C12orf75: variants seen among roughly 807,000 people sequenced by gnomAD.
C12orf75 encodes the protein overexpressed in colon carcinoma 1 protein.
A neutral mutation model predicts 11.4 loss-of-function variants in C12orf75; 4 were observed. The ratio of observed to expected loss-of-function variants is 0.35; its 90% confidence interval spans 0.17 to 0.80. C12orf75 has a LOEUF of 0.80. Among genes scored for constraint, C12orf75 ranks in the 30% least tolerant of loss-of-function variants. The pLI is 0.52. For synonymous variants in C12orf75, 30 were observed against 30.0 expected (o/e 1.00, Z 0.00); for missense variants, 89 against 80.4 (o/e 1.11, Z -0.41).
chr12:105,360,189 A>C (rs1304884120), intron 2 of C12orf75, among the ~76,000 whole-genome samples: 1 of 152,094 alleles, frequency 6.6e-6, no homozygotes, highest in Non-Finnish European at 1.5e-5. Context: ...AAGGCTGGGG[A>C]GGGTGTGGCT....
chr12:105,369,524 G>A (rs919884160), intron 5 of C12orf75, among the ~76,000 whole-genome samples: 1 of 152,062 alleles, frequency 6.6e-6, no homozygotes, highest in African/African-American at 2.4e-5. Flanking sequence ...CATGTGCCAT[G>A]GTGGTTTGCT....
intron 2 of C12orf75, among the ~76,000 whole-genome samples, chr12:105,353,341 C>T (rs1487568345): frequency 1.3e-5 from 2 of 152,104 alleles, no homozygotes; most frequent in East Asian, 3.9e-4. Context: ...CTTCTTTTTC[C>T]TTGTAGTTTG....
intron 2 of C12orf75, among the ~76,000 whole-genome samples, chr12:105,354,866 A>G (rs1272351985): frequency 6.6e-6 from 1 of 152,176 alleles, no homozygotes; most frequent in South Asian, 2.1e-4. Context: ...GAGAGAGGGA[A>G]GGGAAACACG....
At chr12:105,364,650 G>C (rs140321806) in intron 2 of C12orf75, among the ~76,000 whole-genome samples, 6 of 152,236 alleles carry the variant, frequency 3.9e-5, no homozygotes, top group Admixed American at 6.5e-5. Context: ...GATGTTTGCA[G>C]TCTGCTTTTT....
chr12:105,355,732 C>A (rs921761247), intron 2 of C12orf75, among the ~76,000 whole-genome samples: 1 of 152,170 alleles, frequency 6.6e-6, no homozygotes, highest in African/African-American at 2.4e-5. Flanking sequence ...AAAGTGGTGC[C>A]AGCAAGGAAA....
chr12:105,338,408 A>G (rs1436709091), intron 1 of C12orf75, among the ~76,000 whole-genome samples: 1 of 152,210 alleles, frequency 6.6e-6, no homozygotes, highest in Non-Finnish European at 1.5e-5. Flanking sequence ...TCCAGACCTC[A>G]GGTGATCCAC....
chr12:105,366,580 A>G (rs1374575738), intron 3 of C12orf75, 37 bp from the exon 4 acceptor site: 2 of 996,876 alleles, frequency 2.0e-6, no homozygotes, highest in East Asian at 5.2e-5. Flanking sequence ...GTAAATAGAT[A>G]GTACCATTTA....
At chr12:105,331,529 G>A (rs545801060) in intron 1 of C12orf75, among the ~76,000 whole-genome samples, 1 of 151,870 alleles carries the variant, frequency 6.6e-6, no homozygotes, top group African/African-American at 2.4e-5. Flanking sequence ...CAGCAGTAAG[G>A]ATGTTTTACA....
At chr12:105,345,833 A>AT (rs111617444) in intron 1 of C12orf75, among the ~76,000 whole-genome samples, 8,895 of 144,270 alleles carry the variant, frequency 0.062, 324 homozygotes, top group East Asian at 0.15. Flanking sequence ...TAATTTTTGT[A>AT]TTTTTTTTTT....
chr12:105,368,854 A>G (rs1383500727), intron 5 of C12orf75, among the ~76,000 whole-genome samples: 1 of 152,182 alleles, frequency 6.6e-6, no homozygotes, highest in Non-Finnish European at 1.5e-5. Flanking sequence ...CCTCGTACCC[A>G]TGAACAGAGG....
intron 5 of C12orf75, among the ~76,000 whole-genome samples, chr12:105,367,921 G>A (rs1192228679): frequency 1.3e-5 from 2 of 152,102 alleles, no homozygotes; most frequent in African/African-American, 2.4e-5. Context: ...GAGAGGAGAT[G>A]TGTCAGTACC....
intron 1 of C12orf75, among the ~76,000 whole-genome samples, chr12:105,339,557 A>G (rs1459587131): frequency 2.0e-5 from 3 of 152,114 alleles, no homozygotes; most frequent in Non-Finnish European, 4.4e-5. Context: ...TAGAGTCTAT[A>G]TAGTATGGTG....
intron 1 of C12orf75, among the ~76,000 whole-genome samples, chr12:105,348,337 C>A (rs929589507): frequency 6.6e-6 from 1 of 151,512 alleles, no homozygotes; most frequent in Non-Finnish European, 1.5e-5. Flanking sequence ...ATCACTTGAG[C>A]CCAGGAGGCA....
At chr12:105,365,996 C>T in intron 3 of C12orf75, 154 bp downstream of exon 3, 1 of 676,740 alleles carries the variant, frequency 1.5e-6, no homozygotes, top group Non-Finnish European at 2.7e-6. Flanking sequence ...TGAAAAAGAA[C>T]TTGCCCAGGA....
At chr12:105,365,634 A>G (rs562784792) in intron 2 of C12orf75, among the ~76,000 whole-genome samples, 173 bp from the exon 3 acceptor site, 19 of 152,270 alleles carry the variant, frequency 1.2e-4, no homozygotes, top group African/African-American at 4.6e-4. Flanking sequence ...AGGTGAAGGC[A>G]GAATATTGTC....
intron 2 of C12orf75, among the ~76,000 whole-genome samples, chr12:105,357,944 A>G (rs1037380277): frequency 2.0e-5 from 3 of 152,222 alleles, no homozygotes; most frequent in South Asian, 2.1e-4. Flanking sequence ...TCCCAGGCTC[A>G]GGCAGTCTTC....
chr12:105,368,644 A>G (rs1871549937), intron 5 of C12orf75, among the ~76,000 whole-genome samples: 1 of 152,178 alleles, frequency 6.6e-6, no homozygotes, highest in African/African-American at 2.4e-5. Flanking sequence ...CTTCTTGCCC[A>G]GGGCCAGTAC....
chr12:105,360,758 C>CT (rs1892851374), intron 2 of C12orf75, among the ~76,000 whole-genome samples: 1 of 152,084 alleles, frequency 6.6e-6, no homozygotes, highest in Admixed American at 6.5e-5. Context: ...CTCAGGTGAA[C>CT]ATCTGGGCTG....
At chr12:105,347,817 A>G (rs913714390) in intron 1 of C12orf75, among the ~76,000 whole-genome samples, 2 of 152,004 alleles carry the variant, frequency 1.3e-5, no homozygotes, top group Non-Finnish European at 1.5e-5. Flanking sequence ...GATGCATGTG[A>G]CTCTTTTTGG....
Sources: allele counts gnomAD v4.1 joint callset (sites outside exome capture counted in the v4.1 genomes callset), GRCh38; gene constraint gnomAD v4.1.1; transcripts MANE v1.5; gene names NCBI Gene and HGNC (gene_info 2026-07-23, HGNC 2026-07-21).